The following LAMB1 variants were observed in gnomAD, a reference collection of about 807,000 sequenced individuals.
LAMB1 encodes laminin subunit beta-1.
In LAMB1, 121 loss-of-function variants were observed where a neutral mutation model predicts 222.3. The observed-to-expected ratio is 0.54, with a 90% CI of 0.47 to 0.63. LAMB1 has a LOEUF of 0.63. LAMB1 is among the 30% of genes least tolerant of loss of function. The pLI, the probability that LAMB1 is intolerant of heterozygous loss-of-function variation, is 0.00. For synonymous variants in LAMB1, 794 were observed against 807.2 expected (o/e 0.98, Z 0.28); for missense variants, 2,172 against 2,240.8 (o/e 0.97, Z 0.62).
rs540261724 is a variant in LAMB1, at chr7:107,998,981, C to T, written c.214-489G>A. On this transcript the variant is annotated intron_variant, in intron 3 of 33. Transcript: ENST00000222399. ...GTATTTAGAGAAGCTTTGGGAACCACAGAACAAGATTTCTTCGTTTCCACC... is the reference window on the plus strand; with the variant it reads ...GTATTTAGAGAAGCTTTGGGAACCATAGAACAAGATTTCTTCGTTTCCACC... Among the ~76,000 whole-genome samples, 7 of 152,330 alleles carry T rather than the reference C, an allele frequency of 4.6e-5. No homozygotes were observed. The South Asian group carries it at 1.5e-3, about 32-fold the overall frequency.
rs764038323 is a variant in LAMB1 at position 107,994,844 on chromosome 7, G to C, written c.423+43C>G. The C allele has an allele frequency of 2.8e-6, 3 of 1,083,054 alleles. No individual in the cohort carries two copies. In the South Asian group the frequency reaches 3.8e-5, roughly 14 times the overall value. 67.1% of individuals were successfully genotyped at this position (1,083,054 alleles called of 1,614,324 possible). A position where few individuals can be genotyped will look rare whatever the true frequency, so the allele number is the denominator to read the frequency against. On this transcript the variant is annotated intron_variant, in intron 5 of 33. Coordinates refer to ENST00000222399, the MANE Select transcript of LAMB1 (RefSeq NM_002291.3). Reference sequence around the variant, plus strand: ...CCATTTTGAAAGGGGACATTACACAGTGCTCTCATGTGTCATTTGTGAGAA... The same window carrying C: ...CCATTTTGAAAGGGGACATTACACACTGCTCTCATGTGTCATTTGTGAGAA...
chr7:107,959,602 G>A (rs2033451734), intron 19 of LAMB1, 89 bp downstream of exon 19: 7 of 1,612,498 alleles, frequency 4.3e-6, no homozygotes, highest in African/African-American at 1.3e-5. Flanking sequence ...AACTTCAGGA[G>A]GGAAGCATCG....
At chr7:108,000,613 C>T (rs575049157) in intron 3 of LAMB1, among the ~76,000 whole-genome samples, 7 of 152,206 alleles carry the variant, frequency 4.6e-5, no homozygotes, top group Admixed American at 2.0e-4. Flanking sequence ...GACTGATTAT[C>T]GCTTACTGCA....
In LAMB1 at chr7:107,960,600, C is replaced by A. The variant is rs917902373; in HGVS notation, c.2159G>T (p.Gly720Val). ...CKSLDIFTVG[G>V]SGDGVVTNSA... ...GTTGGTGACCACCCCATCTCCTGAACCTCCCACGGTGAAGATGTCCAGTGA... is the reference window on the plus strand; with the variant it reads ...GTTGGTGACCACCCCATCTCCTGAAACTCCCACGGTGAAGATGTCCAGTGA... The change falls in exon 18 of 34, where the codon GGT becomes GTT. Residue 720 changes from glycine to valine, a missense_variant. Physicochemically the swap from Gly to Val is moderately radical, Grantham distance 109 (BLOSUM62 -3). Transcript: ENST00000222399. 31 of 1,614,114 alleles carry A rather than the reference C, an allele frequency of 1.9e-5. No homozygotes were observed. The highest frequency in any genetic ancestry group is 2.5e-5 in the Non-Finnish European group (29 of 1,180,032).
At chr7:107,978,989 C>T (rs1039166049) in intron 8 of LAMB1, among the ~76,000 whole-genome samples, 1 of 152,198 alleles carries the variant, frequency 6.6e-6, no homozygotes, top group African/African-American at 2.4e-5. Flanking sequence ...CCTGGACCCA[C>T]CTTGGTGGGA....
Position 107,955,470 on chromosome 7 carries a change from T to A in LAMB1, c.2851A>T (p.Ile951Phe). The A allele has an allele frequency of 6.2e-7, 1 of 1,612,894 alleles. No homozygotes were observed. The highest frequency in any genetic ancestry group is 8.5e-7 in the Non-Finnish European group (1 of 1,179,340). The change falls in exon 21 of 34, where the codon ATT (isoleucine) becomes TTT (phenylalanine). Residue 951 changes from isoleucine to phenylalanine, a missense_variant. Ile to Phe is a conservative substitution (Grantham distance 21). Transcript: ENST00000222399. The part of the protein sequence containing the change: ...QLACVCDPGY[I>F]GSRCDDCASG... ...CCAAAGTATGCACACGACTTACCAA[T>A]GTATCCAGGATCACAAACACAGGCA...
intron 25 of LAMB1, among the ~76,000 whole-genome samples, chr7:107,939,384 G>C (rs1459531685): frequency 6.6e-6 from 1 of 152,150 alleles, no homozygotes; most frequent in Non-Finnish European, 1.5e-5. Flanking sequence ...TAGAGCAGCT[G>C]TTATAACTAG....
Position 107,927,763 on chromosome 7 carries a change from T to C in LAMB1, c.4887+1301A>G, listed in dbSNP as rs192399170. Among the ~76,000 whole-genome samples the C allele has an allele frequency of 1.4e-3, 209 of 152,280 alleles. 1 individual carries two copies. The highest frequency in any genetic ancestry group is 4.8e-3 in the African/African-American group (201 of 41,552). On this transcript the variant is annotated intron_variant, in intron 31 of 33. Coordinates refer to ENST00000222399, the MANE Select transcript of LAMB1 (RefSeq NM_002291.3). ...CATAATTTTTCTAAACTTGAACAAA[T>C]AGCCTGAAGAAAAAGTCTTATTGAT...
intron 20 of LAMB1, among the ~76,000 whole-genome samples, chr7:107,956,741 G>A (rs1023349864): frequency 6.6e-6 from 1 of 152,188 alleles, no homozygotes; most frequent in Non-Finnish European, 1.5e-5. Context: ...TGGAGCTGAG[G>A]GGGTGACAGG....
chr7:107,975,585 G>A, intron 10 of LAMB1, 104 bp downstream of exon 10: 1 of 1,300,822 alleles, frequency 7.7e-7, no homozygotes, highest in Non-Finnish European at 1.1e-6. Flanking sequence ...CAATAACAAT[G>A]CTGGCTTTAC....
chr7:107,946,584 C>T (rs1299948998), intron 24 of LAMB1, among the ~76,000 whole-genome samples: 1 of 152,274 alleles, frequency 6.6e-6, no homozygotes, highest in Non-Finnish European at 1.5e-5. Context: ...TGGATTTGGC[C>T]TCTGCCTGTG....
intron 31 of LAMB1, 29 bp from the exon 32 acceptor site, chr7:107,926,388 CATT>C (rs768136963): frequency 6.9e-5 from 110 of 1,598,192 alleles, no homozygotes; most frequent in Non-Finnish European, 9.2e-5. Context: ...TCCAGCAAGA[CATT>C]AGTTTAAGAA....
At chr7:107,953,292 G>A (rs556439570) in intron 22 of LAMB1, among the ~76,000 whole-genome samples, 15 of 151,572 alleles carry the variant, frequency 9.9e-5, no homozygotes, top group Admixed American at 2.6e-4. Context: ...TGGAGGCAGA[G>A]GTTATAGTGA....
At chr7:107,971,959 G>A (rs2033756759) in intron 13 of LAMB1, among the ~76,000 whole-genome samples, 1 of 152,152 alleles carries the variant, frequency 6.6e-6, no homozygotes, top group African/African-American at 2.4e-5. Flanking sequence ...ATTTACTAAA[G>A]GATTCAACAT....
rs118073269 is a variant in LAMB1 at position 107,994,682 on chromosome 7, C to A, written c.423+205G>T. ...GTTGAATTACCTTAGAATAGAGGCTCTTTCTACTTATTGTCATGAAGATAG... is the reference window on the plus strand; with the variant it reads ...GTTGAATTACCTTAGAATAGAGGCTATTTCTACTTATTGTCATGAAGATAG... On this transcript the variant is annotated intron_variant, in intron 5 of 33. Coordinates refer to ENST00000222399, the MANE Select transcript of LAMB1 (RefSeq NM_002291.3). Among the ~76,000 whole-genome samples, 416 of 152,338 alleles carry A rather than the reference C, an allele frequency of 2.7e-3. 4 individuals carry two copies. Among genetic ancestry groups the A allele is most frequent in the Middle Eastern group, 0.014 (4 of 294 alleles).
chr7:107,976,926 TCTCCTTCCTTCCTTTCCTCTCC>T (rs1563000135), intron 9 of LAMB1, among the ~76,000 whole-genome samples: 2 of 19,624 alleles, frequency 1.0e-4, no homozygotes, highest in African/African-American at 2.2e-4. Flanking sequence ...CTTTCCTCTC[TCTCCTTCCTTCCTTTCCTCTCC>T]CTCCTTCCTT....
At chr7:107,953,821 C>CA in intron 21 of LAMB1, 67 bp from the exon 22 acceptor site, 1 of 1,353,864 alleles carries the variant, frequency 7.4e-7, no homozygotes, top group Non-Finnish European at 1.1e-6. Context: ...AGTGCACCGA[C>CA]ACTCATGCCT....
chr7:107,932,187 T>C lies in LAMB1; in HGVS notation c.4379A>G (p.Gln1460Arg). Residue 1460 changes from glutamine (Q) to arginine (R), a missense_variant, in exon 28 of 34, where the codon CAG becomes CGG. Coordinates refer to ENST00000222399, the MANE Select transcript of LAMB1 (RefSeq NM_002291.3). ...CCACTGAGTTACCATCTTGGAGAGCTGTTCCACTTCAGCCAGGGCACTCAG... is the reference window on the plus strand; with the variant it reads ...CCACTGAGTTACCATCTTGGAGAGCCGTTCCACTTCAGCCAGGGCACTCAG... ...DVLSALAEVEQLSKMVSEAKL... is the reference protein window; with the variant it reads ...DVLSALAEVERLSKMVSEAKL... 1 of 1,614,226 alleles carries C rather than the reference T, an allele frequency of 6.2e-7. No individual in the cohort carries two copies. The highest frequency in any genetic ancestry group is 1.1e-5 in the South Asian group (1 of 91,086).
intron 19 of LAMB1, 77 bp downstream of exon 19, chr7:107,959,614 C>T: frequency 1.2e-6 from 2 of 1,613,468 alleles, no homozygotes. Context: ...GAAGCATCGG[C>T]TCTGCAGCAA....
Sources: gnomAD v4.1 joint callset for allele counts (sites outside exome capture counted in the v4.1 genomes callset) on GRCh38, gnomAD v4.1.1 for gene constraint, MANE v1.5 for transcripts, NCBI Gene and HGNC (gene_info 2026-07-23, HGNC 2026-07-21) for gene names.